CALCR: variants seen among roughly 807,000 people sequenced by gnomAD.
CALCR encodes the protein calcitonin receptor.
In CALCR, 47 loss-of-function variants were observed where a neutral mutation model predicts 59.5. That is an observed-to-expected ratio of 0.79 (90% CI 0.63 to 1.01). The LOEUF is 1.01. Ranked by LOEUF, CALCR falls within the 50% of genes least tolerant of loss-of-function variation. The pLI is 0.00. For missense variants in CALCR, 566 were observed against 597.1 expected, an observed-to-expected ratio of 0.95 and a Z score of 0.54; for synonymous variants, 213 against 211.3, an observed-to-expected ratio of 1.01 and a Z score of -0.07.
chr7:93,440,872 A>G (rs1179038339), intron 9 of CALCR, among the ~76,000 whole-genome samples: 1 of 152,128 alleles, frequency 6.6e-6, no homozygotes, highest in Non-Finnish European at 1.5e-5. Flanking sequence ...TTCTGTGCTT[A>G]CGTTACTAAG....
chr7:93,429,853 TA>T (rs35317327), intron 13 of CALCR, among the ~76,000 whole-genome samples: 44,482 of 138,904 alleles, frequency 0.32, 7,300 homozygotes, highest in Non-Finnish European at 0.36. Context: ...AAATCATGAT[TA>T]AAAAAAAAAA....
At chr7:93,519,839 C>G (rs954692227) in intron 2 of CALCR, among the ~76,000 whole-genome samples, 3 of 152,096 alleles carry the variant, frequency 2.0e-5, no homozygotes, top group African/African-American at 7.2e-5. Context: ...CTCTCTCCTG[C>G]TGCCATGTGA....
intron 3 of CALCR, 24 bp downstream of exon 3, chr7:93,486,907 T>C (rs772913943): frequency 1.5e-6 from 2 of 1,365,142 alleles, no homozygotes; most frequent in Non-Finnish European, 2.1e-6. Flanking sequence ...TTAGCATGGC[T>C]TTGAATACTT....
Position 93,451,851 on chromosome 7 carries a change from G to C in CALCR, c.649-8094C>G, listed in dbSNP as rs563061474. Among the ~76,000 whole-genome samples the C allele has an allele frequency of 4.6e-5, 7 of 152,074 alleles. No individual in the cohort carries two copies. The South Asian group carries it at 1.5e-3, about 32-fold the overall frequency. On this transcript the variant is annotated intron_variant, in intron 8 of 13. Coordinates refer to ENST00000426151, the MANE Select transcript of CALCR (RefSeq NM_001742.4). ...ATACCATGCAGACATAAGAAAGAAT[G>C]AGATCATATCCTTTGCAGCAACATA...
At chr7:93,550,391 TG>T (rs1789415557) in intron 2 of CALCR, among the ~76,000 whole-genome samples, 1 of 145,278 alleles carries the variant, frequency 6.9e-6, no homozygotes, top group South Asian at 2.1e-4. Flanking sequence ...CTCAGGAAGC[TG>T]AGGCAGAATC....
chr7:93,432,988 T>C (rs1315399822), intron 13 of CALCR, among the ~76,000 whole-genome samples: 1 of 152,228 alleles, frequency 6.6e-6, no homozygotes, highest in East Asian at 1.9e-4. Context: ...GCCCTTAGTC[T>C]AGCCCTTAGC....
rs187946082 is a variant in CALCR, at chr7:93,426,208, T to C, written c.*148A>G. 4.1e-4 allele frequency: 248 copies of C among 598,594 alleles called. 1 individual carries two copies. In the Middle Eastern group the frequency reaches 6.3e-3, roughly 15 times the overall value. 37.1% of individuals were successfully genotyped at this position (598,594 alleles called of 1,614,324 possible). On this transcript the variant is annotated 3_prime_UTR_variant, in exon 14 of 14. Coordinates refer to ENST00000426151, the MANE Select transcript of CALCR (RefSeq NM_001742.4). ...AAAGCAACAGTACCAAGAATAACTT[T>C]CTTCAGATTTACAATGGACAAATTC...
intron 6 of CALCR, 28 bp downstream of exon 6, chr7:93,472,347 C>T (rs1368976348): frequency 1.6e-6 from 2 of 1,254,636 alleles, no homozygotes; most frequent in Non-Finnish European, 2.3e-6. Flanking sequence ...CATTCTCACT[C>T]AATACTGAAA....
At chr7:93,515,609 C>T (rs1369487465) in intron 2 of CALCR, among the ~76,000 whole-genome samples, 1 of 151,986 alleles carries the variant, frequency 6.6e-6, no homozygotes, top group African/African-American at 2.4e-5. Context: ...AATATATACA[C>T]ATACACCATT....
intron 2 of CALCR, among the ~76,000 whole-genome samples, chr7:93,510,022 T>G (rs981899597): frequency 6.6e-6 from 1 of 152,018 alleles, no homozygotes; most frequent in Admixed American, 6.5e-5. Flanking sequence ...TTTGGAGTGA[T>G]CTATATCTTT....
At chr7:93,448,504 T>C (rs922827402) in intron 8 of CALCR, among the ~76,000 whole-genome samples, 2 of 151,976 alleles carry the variant, frequency 1.3e-5, no homozygotes, top group Admixed American at 1.3e-4. Flanking sequence ...AATCCTGGGC[T>C]AGGGCTGCAA....
At chr7:93,565,642 T>C (rs1789848534) in intron 2 of CALCR, among the ~76,000 whole-genome samples, 1 of 152,240 alleles carries the variant, frequency 6.6e-6, no homozygotes, top group Non-Finnish European at 1.5e-5. Context: ...GGATTTTGCC[T>C]TAGTGCCACC....
At chr7:93,554,778 TATATATATATATATTATACGTACATGTC>T (rs1175062083) in intron 2 of CALCR, among the ~76,000 whole-genome samples, 1 of 143,228 alleles carries the variant, frequency 7.0e-6, no homozygotes, top group African/African-American at 2.8e-5. Context: ...TGTATATATA[TATATATATATATATTATACGTACATGTC>T]ATTTTAGAAA....
intron 2 of CALCR, among the ~76,000 whole-genome samples, chr7:93,491,752 T>C (rs925369494): frequency 3.3e-5 from 5 of 151,586 alleles, no homozygotes; most frequent in Admixed American, 6.6e-5. Flanking sequence ...CAAGAAACCA[T>C]AGATGCTGGT....
chr7:93,440,175 C>A (rs1008249836), intron 9 of CALCR, among the ~76,000 whole-genome samples: 56 of 152,092 alleles, frequency 3.7e-4, no homozygotes, highest in African/African-American at 1.4e-3. Flanking sequence ...ATATTTTCTG[C>A]AGTCTAACTT....
Position 93,472,449 on chromosome 7 carries a change from A to G in CALCR, c.355T>C (p.Phe119Leu). Reference sequence around the variant, plus strand: ...GTTCGATTGTTTTCAGGATGTTTAAACCAAACACCTTTTTCATCACAGTAT... The same window carrying G: ...GTTCGATTGTTTTCAGGATGTTTAAGCCAAACACCTTTTTCATCACAGTAT... ...TKYCDEKGVW[F>L]KHPENNRTWS... The change falls in exon 6 of 14, where the codon TTT (phenylalanine) becomes CTT (leucine). Residue 119 changes from phenylalanine to leucine, a missense_variant. Phe to Leu is a conservative substitution (Grantham distance 22, BLOSUM62 0). Transcript: ENST00000426151. 6.2e-7 allele frequency: 1 copy of G among 1,609,598 alleles called. No individual in the cohort carries two copies. Among genetic ancestry groups the G allele is most frequent in the African/African-American group, 1.3e-5 (1 of 74,792 alleles).
At chr7:93,573,760 A>G (rs1255466143) in intron 2 of CALCR, among the ~76,000 whole-genome samples, 1 of 152,198 alleles carries the variant, frequency 6.6e-6, no homozygotes, top group African/African-American at 2.4e-5. Flanking sequence ...ATTTTTCCTA[A>G]TAGGTGTGAA....
At chr7:93,482,999 G>T in intron 3 of CALCR, 1 of 423,218 alleles carries the variant, frequency 2.4e-6, no homozygotes, top group South Asian at 1.7e-5. Context: ...ATACCCATTG[G>T]GGCATTACGT....
intron 2 of CALCR, among the ~76,000 whole-genome samples, chr7:93,526,094 C>CA (rs548513867): frequency 6.6e-6 from 1 of 152,088 alleles, no homozygotes; most frequent in African/African-American, 2.4e-5. Flanking sequence ...AGGAAGTCAA[C>CA]ATAAAGATTA....
Sources: gnomAD v4.1 joint callset for allele counts (sites outside exome capture counted in the v4.1 genomes callset) on GRCh38, gnomAD v4.1.1 for gene constraint, MANE v1.5 for transcripts, NCBI Gene and HGNC (gene_info 2026-07-23, HGNC 2026-07-21) for gene names.